Variants in MTSS1 observed in about 807,000 individuals in gnomAD.
The protein encoded by MTSS1 is MTSS I-BAR domain containing 1.
A neutral mutation model predicts 79.0 loss-of-function variants in MTSS1; 18 were observed. The observed-to-expected ratio is 0.23, with a 90% CI of 0.16 to 0.34. The LOEUF (loss-of-function observed/expected upper bound fraction) is 0.34, where lower values mean the gene tolerates loss of function less well. MTSS1 is among the 10% of genes least tolerant of loss of function. MTSS1 has a pLI of 1.00. For synonymous variants in MTSS1, 341 were observed against 368.6 expected (o/e 0.93, Z 0.86); for missense variants, 815 against 986.2 (o/e 0.83, Z 2.33).
intron 2 of MTSS1, among the ~76,000 whole-genome samples, chr8:124,700,026 C>A (rs548261320): frequency 6.6e-6 from 1 of 152,120 alleles, no homozygotes; most frequent in African/African-American, 2.4e-5. Flanking sequence ...ATAATCCCAG[C>A]TACTTGGGAG....
At chr8:124,698,282 C>T (rs980213475) in intron 3 of MTSS1, 2 of 152,144 alleles carry the variant, frequency 1.3e-5, no homozygotes, top group Non-Finnish European at 2.9e-5. Flanking sequence ...TTTCATGTGC[C>T]TGGGAGCAGT....
chr8:124,612,588 G>A (rs1488168638), intron 3 of MTSS1, among the ~76,000 whole-genome samples: 1 of 111,018 alleles, frequency 9.0e-6, no homozygotes, highest in African/African-American at 3.8e-5. Context: ...GTGTGTGTGT[G>A]TGTGTGTGTG....
Position 124,552,888 on chromosome 8 carries a change from T to C in MTSS1, c.*104A>G, listed in dbSNP as rs1443086745. The C allele has an allele frequency of 2.6e-6, 3 of 1,173,470 alleles. No homozygotes were observed. The highest frequency in any genetic ancestry group is 3.6e-6 in the Non-Finnish European group (3 of 834,802). 72.7% of individuals were successfully genotyped at this position (1,173,470 alleles called of 1,614,324 possible). On this transcript the variant is annotated 3_prime_UTR_variant, in exon 14 of 14. Coordinates refer to ENST00000518547, the MANE Select transcript of MTSS1 (RefSeq NM_014751.6). The stretch of plus-strand genomic sequence containing the variant: ...ACTTTCAAAAGAGCTATATTCCGAG[T>C]TGCCTACAAAATCTTTTGTTTTATT...
intron 6 of MTSS1, among the ~76,000 whole-genome samples, chr8:124,570,766 GATC>G (rs1388828150): frequency 6.6e-6 from 1 of 152,184 alleles, no homozygotes; most frequent in Non-Finnish European, 1.5e-5. Flanking sequence ...GCAGTGGAAT[GATC>G]ATAGCTCATT....
rs1377642132 is a variant in MTSS1, at chr8:124,582,942, G to C, written c.460+2145C>G. 6.6e-6 allele frequency among the ~76,000 whole-genome samples: 1 copy of C among 152,154 alleles called. No homozygotes were observed. Among genetic ancestry groups the C allele is most frequent in the African/African-American group, 2.4e-5 (1 of 41,432 alleles). Reference sequence around the variant, plus strand: ...AATGTGACTCTAGTACCTTTCAGAAGGCTGCTTTCATCCCAGAAATATACA... The same window carrying C: ...AATGTGACTCTAGTACCTTTCAGAACGCTGCTTTCATCCCAGAAATATACA... On this transcript the variant is annotated intron_variant, in intron 6 of 13. Transcript: ENST00000518547. This position sits in a 1 kb window ranked among gnomAD's most constrained non-coding sequence, Gnocchi z 4.8.
chr8:124,628,587 G>C (rs931514120), intron 3 of MTSS1, among the ~76,000 whole-genome samples: 1 of 152,208 alleles, frequency 6.6e-6, no homozygotes, highest in Non-Finnish European at 1.5e-5. Flanking sequence ...GGAGAAGCCA[G>C]GACAGCAGAG....
intron 3 of MTSS1, among the ~76,000 whole-genome samples, chr8:124,658,940 T>C (rs1351801500): frequency 6.6e-6 from 1 of 152,234 alleles, no homozygotes; most frequent in Non-Finnish European, 1.5e-5. Flanking sequence ...GTTTGCACCA[T>C]CCAGGCTACG....
At chr8:124,589,548 C>A (rs1831460758) in intron 5 of MTSS1, 72 bp downstream of exon 5, 2 of 1,231,574 alleles carry the variant, frequency 1.6e-6, no homozygotes, top group Non-Finnish European at 2.3e-6. Flanking sequence ...GCAGAGGGGC[C>A]AGGCAGCAGC....
chr8:124,645,564 T>G (rs141776214), intron 3 of MTSS1, among the ~76,000 whole-genome samples: 80 of 152,292 alleles, frequency 5.3e-4, no homozygotes, highest in African/African-American at 1.9e-3. Flanking sequence ...GCTATGCGGA[T>G]ATGTTTCCGC....
At chr8:124,641,079 T>TG (rs970057858) in intron 3 of MTSS1, among the ~76,000 whole-genome samples, 13 of 147,814 alleles carry the variant, frequency 8.8e-5, no homozygotes, top group African/African-American at 3.2e-4. Flanking sequence ...AAAACAAGTC[T>TG]GGGGGAAAAC....
rs879172862 is a variant in MTSS1 at position 124,552,600 on chromosome 8, A to G, written c.*392T>C. 2.1e-4 allele frequency: 39 copies of G among 183,284 alleles called. No individual in the cohort carries two copies. The South Asian group carries it at 2.7e-3, about 13-fold the overall frequency. 11.4% of individuals were successfully genotyped at this position (183,284 alleles called of 1,614,324 possible). Reference sequence around the variant, plus strand: ...AATGCATCTACAAAAGCTTGTGGGGAAAAAAAAAGAAGAGTGAAGTATAGT... The same window carrying G: ...AATGCATCTACAAAAGCTTGTGGGGGAAAAAAAAGAAGAGTGAAGTATAGT... On this transcript the variant is annotated 3_prime_UTR_variant, in exon 14 of 14. Coordinates refer to ENST00000518547, the MANE Select transcript of MTSS1 (RefSeq NM_014751.6).
chr8:124,593,125 C>T (rs1210204141), intron 3 of MTSS1, among the ~76,000 whole-genome samples: 3 of 152,246 alleles, frequency 2.0e-5, no homozygotes, highest in Admixed American at 6.5e-5. Context: ...CAGAGGGCGC[C>T]GTTTTCACAC....
intron 3 of MTSS1, among the ~76,000 whole-genome samples, chr8:124,674,380 T>C (rs1824879942): frequency 6.6e-6 from 1 of 152,206 alleles, no homozygotes; most frequent in Non-Finnish European, 1.5e-5. Flanking sequence ...CGTCACTATA[T>C]ATGGTACACC....
At position 124,557,715 on chromosome 8, in the gene MTSS1, C is replaced by A. The variant is rs200181819; in HGVS notation, c.1196G>T (p.Gly399Val). 435 of 1,592,776 alleles carry A rather than the reference C, an allele frequency of 2.7e-4. 2 individuals carry two copies. In the Middle Eastern group the frequency reaches 2.8e-3, roughly 10 times the overall value. Residue 399 changes from glycine (G) to valine (V), a missense_variant, in exon 11 of 14, where the codon GGC (glycine) becomes GTC (valine). Gly to Val is a moderately radical substitution (Grantham distance 109). Transcript: ENST00000518547. ...DYAHYYTIGP[G>V]MFPSSQIPSW... ...AGGGATCTGAGATGACGGGAACATG[C>A]CGGGCCCAATGGTGTAATAATGAGC...
At chr8:124,578,727 G>A (rs1470714788) in intron 6 of MTSS1, among the ~76,000 whole-genome samples, 3 of 152,086 alleles carry the variant, frequency 2.0e-5, no homozygotes, top group Admixed American at 6.5e-5. Flanking sequence ...CCCAGGAGAC[G>A]GAGGTTGCAG....
chr8:124,660,920 C>T (rs1282901845), intron 3 of MTSS1, among the ~76,000 whole-genome samples: 4 of 152,202 alleles, frequency 2.6e-5, no homozygotes, highest in African/African-American at 4.8e-5. Context: ...GTGGAACACA[C>T]ATACACACCC....
At chr8:124,561,560 T>G (rs1055577055) in intron 10 of MTSS1, among the ~76,000 whole-genome samples, 30 of 152,086 alleles carry the variant, frequency 2.0e-4, no homozygotes, top group African/African-American at 7.2e-4. Context: ...TTCTACCCCA[T>G]CCACACTCAC....
intron 3 of MTSS1, among the ~76,000 whole-genome samples, chr8:124,660,799 C>G (rs548402722): frequency 1.1e-4 from 16 of 152,206 alleles, no homozygotes; most frequent in Non-Finnish European, 1.8e-4. Flanking sequence ...TCCCATGCCT[C>G]TCTTCCTCCT....
chr8:124,575,261 T>C (rs1005834516), intron 6 of MTSS1, among the ~76,000 whole-genome samples: 1 of 152,150 alleles, frequency 6.6e-6, no homozygotes, highest in African/African-American at 2.4e-5. Context: ...AATCAAAAGA[T>C]AGATGTGATT....
Sources: gnomAD v4.1 joint callset for allele counts (sites outside exome capture counted in the v4.1 genomes callset) on GRCh38, gnomAD v4.1.1 for gene constraint, Gnocchi (gnomAD v3.1) non-coding constraint, MANE v1.5 for transcripts, NCBI Gene and HGNC (gene_info 2026-07-23, HGNC 2026-07-21) for gene names.